Variants in CLSTN1 observed in about 807,000 individuals in gnomAD.
CLSTN1 encodes the protein calsyntenin 1.
Under a neutral mutation model 108.3 loss-of-function variants are expected in CLSTN1, and 28 were observed. The observed-to-expected ratio is 0.26, with a 90% CI of 0.19 to 0.35. The LOEUF is 0.35. Among genes scored for constraint, CLSTN1 ranks in the 10% least tolerant of loss-of-function variants. The probability of loss-of-function intolerance (pLI) is 1.00; values close to 1 mark genes in which losing one functional copy is unlikely to be tolerated. For synonymous variants in CLSTN1, 524 were observed against 534.9 expected, an observed-to-expected ratio of 0.98 and a Z score of 0.28; for missense variants, 1,157 against 1,302.6, an observed-to-expected ratio of 0.89 and a Z score of 1.72.
rs1280060393 is a variant in CLSTN1 at position 9,749,918 on chromosome 1, C to G, written c.650-5G>C. 1.9e-6 allele frequency: 3 copies of G among 1,611,804 alleles called. No individual in the cohort carries two copies. Among genetic ancestry groups the G allele is most frequent in the East Asian group, 4.5e-5 (2 of 44,882 alleles). ...TCTCTGTGTTTTTTATATAACCTTACAGAGGGCAAAAACAACAGTGAGAGC... is the reference window on the plus strand; with the variant it reads ...TCTCTGTGTTTTTTATATAACCTTAGAGAGGGCAAAAACAACAGTGAGAGC... On this transcript the variant is annotated splice_polypyrimidine_tract_variant and splice_region_variant and intron_variant, in intron 5 of 18. Transcript: ENST00000377298.
intron 1 of CLSTN1, among the ~76,000 whole-genome samples, chr1:9,820,444 G>A (rs1211716928): frequency 6.6e-5 from 10 of 152,052 alleles, no homozygotes; most frequent in African/African-American, 2.4e-4. Context: ...TCTTGAACCC[G>A]GGAGGCGGAG....
chr1:9,796,851 A>G (rs1326202135), intron 1 of CLSTN1, among the ~76,000 whole-genome samples: 1 of 152,216 alleles, frequency 6.6e-6, no homozygotes, highest in East Asian at 1.9e-4. Context: ...AAATTTGAAA[A>G]TAACACGAAG....
chr1:9,801,783 G>T (rs1209411444), intron 1 of CLSTN1, among the ~76,000 whole-genome samples: 1 of 151,954 alleles, frequency 6.6e-6, no homozygotes. Flanking sequence ...CTCGAACTCC[G>T]GAGCTCAGGT....
chr1:9,803,496 C>T (rs1236531366), intron 1 of CLSTN1, among the ~76,000 whole-genome samples: 2 of 152,144 alleles, frequency 1.3e-5, no homozygotes, highest in African/African-American at 4.8e-5. Flanking sequence ...GGTCTTTTAT[C>T]GTGGTAGTTA....
intron 2 of CLSTN1, among the ~76,000 whole-genome samples, chr1:9,766,470 C>A (rs575262197): frequency 3.3e-5 from 5 of 152,282 alleles, no homozygotes; most frequent in African/African-American, 9.6e-5. Flanking sequence ...CCAGCCTGGC[C>A]AACATGGTGA....
intron 1 of CLSTN1, among the ~76,000 whole-genome samples, chr1:9,774,582 T>A (rs1040346120): frequency 3.3e-5 from 5 of 150,890 alleles, no homozygotes; most frequent in African/African-American, 1.2e-4. Flanking sequence ...AAAAAAATAA[T>A]CCACTTTTGA....
chr1:9,779,760 T>G (rs1653154659), intron 1 of CLSTN1, among the ~76,000 whole-genome samples: 1 of 152,038 alleles, frequency 6.6e-6, no homozygotes, highest in Non-Finnish European at 1.5e-5. Context: ...TGCTATGATG[T>G]AGGCTGGAAG....
At position 9,803,641 on chromosome 1, in the gene CLSTN1, A is replaced by G. The variant is rs1198220964; in HGVS notation, c.91+20002T>C. Reference sequence around the variant, plus strand: ...AACATGGTGAAATCCCGTCTCTACTAAAAATACAAAAATTAGCTGGGTGTG... The same window carrying G: ...AACATGGTGAAATCCCGTCTCTACTGAAAATACAAAAATTAGCTGGGTGTG... On this transcript the variant is annotated intron_variant, in intron 1 of 18. Coordinates refer to ENST00000377298, the MANE Select transcript of CLSTN1 (RefSeq NM_001009566.3). Among the ~76,000 whole-genome samples the G allele has an allele frequency of 4.6e-5, 7 of 152,014 alleles. No homozygotes were observed. The East Asian group carries it at 1.4e-3, about 29-fold the overall frequency.
chr1:9,744,118 T>TGAAG lies in CLSTN1; in HGVS notation c.1235-114_1235-113insCTTC. On this transcript the variant is annotated intron_variant, in intron 8 of 18. Coordinates refer to ENST00000377298, the MANE Select transcript of CLSTN1 (RefSeq NM_001009566.3). Reference sequence around the variant, plus strand: ...AATTTCATCTGCATAAATGAACTCTTCGGCTAAGCCAAGGCAGGGCTTAGA... The same window carrying TGAAG: ...AATTTCATCTGCATAAATGAACTCTTGAAGCGGCTAAGCCAAGGCAGGGCTTAGA... 2.1e-6 allele frequency: 3 copies of TGAAG among 1,431,682 alleles called. No individual in the cohort carries two copies. In the South Asian group the frequency reaches 3.9e-5, roughly 19 times the overall value. 88.7% of individuals were successfully genotyped at this position (1,431,682 alleles called of 1,614,324 possible).
At chr1:9,731,642 A>C in intron 17 of CLSTN1, 119 bp downstream of exon 17, 1 of 1,059,980 alleles carries the variant, frequency 9.4e-7, no homozygotes, top group Non-Finnish European at 1.4e-6. Flanking sequence ...GTGATGGGGA[A>C]TAATTGGGAC....
At chr1:9,755,798 C>CAA (rs34292718) in intron 3 of CLSTN1, among the ~76,000 whole-genome samples, 2,830 of 149,566 alleles carry the variant, frequency 0.019, 81 homozygotes, top group African/African-American at 0.063. Flanking sequence ...GAAATTCTGT[C>CAA]AAAAAAAAAA....
chr1:9,816,471 C>A (rs1426037697), intron 1 of CLSTN1, among the ~76,000 whole-genome samples: 4 of 150,566 alleles, frequency 2.7e-5, no homozygotes, highest in Non-Finnish European at 5.9e-5. Context: ...ACTAAAATCA[C>A]TGAATTGTAT....
intron 1 of CLSTN1, among the ~76,000 whole-genome samples, chr1:9,811,619 T>C (rs776121376): frequency 2.6e-5 from 4 of 151,856 alleles, no homozygotes; most frequent in Non-Finnish European, 4.4e-5. Context: ...CCACCCCCAC[T>C]GTTCCTTTAA....
intron 1 of CLSTN1, among the ~76,000 whole-genome samples, chr1:9,785,311 A>G (rs903084948): frequency 2.6e-5 from 4 of 152,028 alleles, no homozygotes; most frequent in African/African-American, 9.7e-5. Flanking sequence ...CCCAGCTGTA[A>G]AACAGATTTT....
intron 2 of CLSTN1, among the ~76,000 whole-genome samples, chr1:9,766,367 A>C (rs910951694): frequency 6.6e-6 from 1 of 152,126 alleles, no homozygotes; most frequent in African/African-American, 2.4e-5. Flanking sequence ...TATAAAATGT[A>C]AACAAAATAG....
intron 1 of CLSTN1, among the ~76,000 whole-genome samples, chr1:9,819,609 G>A (rs1655116567): frequency 6.6e-6 from 1 of 152,078 alleles, no homozygotes. Context: ...AAACTGCTTG[G>A]TTTCATGCTT....
At chr1:9,775,133 T>C (rs1306799518) in intron 1 of CLSTN1, among the ~76,000 whole-genome samples, 1 of 152,152 alleles carries the variant, frequency 6.6e-6, no homozygotes, top group Admixed American at 6.5e-5. Flanking sequence ...ACCTGTTTTA[T>C]AAGCAAGGTC....
Position 9,731,368 on chromosome 1 carries a change from A to AACTGTCGCAGTGCTGGGGACG in CLSTN1, c.2565_2585dup (p.Pro857_Val863dup). ...GGAAGCTGACGCACACCACGATCAC[A>AACTGTCGCAGTGCTGGGGACG]ACTGTCGCAGTGCTGGGGACGACTG... On this transcript the variant is annotated inframe_insertion, in exon 18 of 19. Transcript: ENST00000377298. The AACTGTCGCAGTGCTGGGGACG allele has an allele frequency of 5.0e-6, 8 of 1,614,046 alleles. No individual in the cohort carries two copies. Among genetic ancestry groups the AACTGTCGCAGTGCTGGGGACG allele is most frequent in the Non-Finnish European group, 6.8e-6 (8 of 1,180,038 alleles).
In CLSTN1 at chr1:9,731,851, T is replaced by C. The variant is rs373215137; in HGVS notation, c.2473A>G (p.Met825Val). Reference sequence around the variant, plus strand: ...TGCACGAACTGTGGCTGGGCAGCCATGTGGTTGGCGTGTTCCATGGGGTTG... The same window carrying C: ...TGCACGAACTGTGGCTGGGCAGCCACGTGGTTGGCGTGTTCCATGGGGTTG... ...TANPMEHANH[M>V]AAQPQFVHPE... The change falls in exon 17 of 19, where the codon ATG (methionine) becomes GTG (valine). Residue 825 changes from methionine to valine, a missense_variant. Met to Val is a conservative substitution (Grantham distance 21, BLOSUM62 1). Coordinates refer to ENST00000377298, the MANE Select transcript of CLSTN1 (RefSeq NM_001009566.3). 4 of 1,614,024 alleles carry C rather than the reference T, an allele frequency of 2.5e-6. No homozygotes were observed. The highest frequency in any genetic ancestry group is 2.2e-5 in the East Asian group (1 of 44,842).
Sources: allele counts gnomAD v4.1 joint callset (sites outside exome capture counted in the v4.1 genomes callset), GRCh38; gene constraint gnomAD v4.1.1; transcripts MANE v1.5; gene names NCBI Gene and HGNC (gene_info 2026-07-23, HGNC 2026-07-21).